The following PALM2AKAP2 variants were observed in gnomAD, a reference collection of about 807,000 sequenced individuals.
The protein encoded by PALM2AKAP2 is PALM2 and AKAP2 fusion, also known as PALM2-AKAP2 fusion protein.
PALM2AKAP2 carries 37 observed loss-of-function variants against 71.5 expected under a neutral mutation model. The observed-to-expected ratio is 0.52, with a 90% confidence interval of 0.40 to 0.68. PALM2AKAP2 has a LOEUF of 0.68. Ranked by LOEUF, PALM2AKAP2 falls within the 30% of genes least tolerant of loss-of-function variation. The pLI, the probability that PALM2AKAP2 is intolerant of heterozygous loss-of-function variation, is 0.00. For synonymous variants in PALM2AKAP2, 468 were observed against 478.8 expected (o/e 0.98, Z 0.29); for missense variants, 1,224 against 1,191.8 (o/e 1.03, Z -0.40).
At chr9:110,023,783 G>A (rs541924303) in intron 7 of PALM2AKAP2, among the ~76,000 whole-genome samples, 2 of 152,010 alleles carry the variant, frequency 1.3e-5, no homozygotes, top group South Asian at 4.2e-4. Context: ...CTTGAGACCA[G>A]GAGTTCGAGA....
intron 3 of PALM2AKAP2, among the ~76,000 whole-genome samples, chr9:109,919,267 G>A (rs868017100): frequency 6.6e-6 from 1 of 152,198 alleles, no homozygotes; most frequent in Non-Finnish European, 1.5e-5. Context: ...ATGGGAAGCT[G>A]AGGCCCTGGC....
At chr9:109,874,087 G>A (rs138720559) in intron 2 of PALM2AKAP2, among the ~76,000 whole-genome samples, 18 of 152,294 alleles carry the variant, frequency 1.2e-4, no homozygotes, top group African/African-American at 4.3e-4. Flanking sequence ...TTTAGCTTTA[G>A]TGATCCAAGA....
At chr9:109,851,747 C>G (rs1226595130) in intron 1 of PALM2AKAP2, among the ~76,000 whole-genome samples, 5 of 152,212 alleles carry the variant, frequency 3.3e-5, no homozygotes, top group Non-Finnish European at 7.3e-5. Context: ...CTGCTGTCTT[C>G]TGACTCACTT....
chr9:110,106,822 T>G (rs1835132028), intron 1 of PALM2AKAP2, among the ~76,000 whole-genome samples: 1 of 152,238 alleles, frequency 6.6e-6, no homozygotes, highest in Non-Finnish European at 1.5e-5. Flanking sequence ...ACAAATGGCT[T>G]GTTTATTAAA....
intron 1 of PALM2AKAP2, among the ~76,000 whole-genome samples, chr9:109,806,566 C>A (rs1157607531): frequency 1.3e-5 from 2 of 152,032 alleles, no homozygotes; most frequent in Admixed American, 1.3e-4. Flanking sequence ...GAGGGGGATA[C>A]CTTCATAGAA....
chr9:109,694,385 A>AT (rs1827938368), intron 1 of PALM2AKAP2, among the ~76,000 whole-genome samples: 1 of 152,034 alleles, frequency 6.6e-6, no homozygotes, highest in African/African-American at 2.4e-5. Context: ...AACCCACTTC[A>AT]TTTGTCAAAA....
chr9:109,790,143 G>C (rs952964092), intron 1 of PALM2AKAP2, among the ~76,000 whole-genome samples: 12 of 152,278 alleles, frequency 7.9e-5, no homozygotes, highest in African/African-American at 2.9e-4. Context: ...TGAAAAAGCT[G>C]TGGGCCAGAC....
chr9:109,742,643 T>C (rs1828732498), intron 1 of PALM2AKAP2, among the ~76,000 whole-genome samples: 1 of 152,204 alleles, frequency 6.6e-6, no homozygotes, highest in African/African-American at 2.4e-5. Flanking sequence ...TTATGGGTCA[T>C]TGATAATGTA....
At chr9:109,932,507 A>T (rs1831129462) in intron 6 of PALM2AKAP2, among the ~76,000 whole-genome samples, 1 of 152,230 alleles carries the variant, frequency 6.6e-6, no homozygotes, top group Admixed American at 6.5e-5. Flanking sequence ...CCATTTCTGG[A>T]ATTATTTCTT....
At chr9:109,721,439 G>C (rs1828403560) in intron 1 of PALM2AKAP2, among the ~76,000 whole-genome samples, 1 of 152,112 alleles carries the variant, frequency 6.6e-6, no homozygotes, top group Non-Finnish European at 1.5e-5. Context: ...TCCAACTCCA[G>C]GCCTTCCAAC....
intron 3 of PALM2AKAP2, among the ~76,000 whole-genome samples, chr9:109,894,924 T>C (rs963678698): frequency 2.0e-5 from 3 of 152,156 alleles, no homozygotes; most frequent in African/African-American, 7.2e-5. Context: ...CCTCCCTAAA[T>C]GTTTAAATCT....
In PALM2AKAP2 at chr9:110,061,986, T is replaced by C. The variant is rs1010284127; in HGVS notation, c.156+13131T>C. 3.1e-4 allele frequency among the ~76,000 whole-genome samples: 44 copies of C among 140,454 alleles called. 3 individuals are homozygous for C. Among genetic ancestry groups the C allele is most frequent in the African/African-American group, 1.4e-3 (43 of 30,868 alleles). The allele number at this position is 140,454 out of a possible 152,430, so 92.1% of individuals were successfully genotyped here. On this transcript the variant is annotated intron_variant, in intron 1 of 3. Transcript: ENST00000374525. ...TTAATCATTCCTGTTTTTACTATGC[T>C]GCCTTCTTAGTGCTTAATACAAACT...
intron 6 of PALM2AKAP2, chr9:109,943,139 A>G (rs1277449929): frequency 6.2e-7 from 1 of 1,614,148 alleles, no homozygotes; most frequent in Non-Finnish European, 8.5e-7. Flanking sequence ...TTTATGGGCT[A>G]CCAAAATATC....
chr9:109,720,901 C>A (rs1571267), intron 1 of PALM2AKAP2, among the ~76,000 whole-genome samples: 53,370 of 151,958 alleles, frequency 0.35, 9,775 homozygotes, highest in African/African-American at 0.46. Context: ...AGCAGTAAGC[C>A]AAACAGGTTA....
intron 1 of PALM2AKAP2, among the ~76,000 whole-genome samples, chr9:109,814,494 G>A (rs921915473): frequency 5.9e-5 from 9 of 152,198 alleles, no homozygotes; most frequent in Non-Finnish European, 1.2e-4. Context: ...CTCAGAGGAA[G>A]TGAGCCTCCT....
chr9:110,135,460 C>A (rs1835842139), intron 1 of PALM2AKAP2, among the ~76,000 whole-genome samples: 1 of 149,986 alleles, frequency 6.7e-6, no homozygotes. Context: ...AGTTAAAAAA[C>A]TGGAGGAGAG....
chr9:109,941,800 T>C (rs1001079817), intron 6 of PALM2AKAP2, among the ~76,000 whole-genome samples: 6 of 152,028 alleles, frequency 3.9e-5, no homozygotes, highest in South Asian at 2.1e-4. Flanking sequence ...GATACAAGAC[T>C]GAGAGACAGG....
At chr9:110,083,177 C>T (rs544140324) in intron 1 of PALM2AKAP2, among the ~76,000 whole-genome samples, 1 of 151,988 alleles carries the variant, frequency 6.6e-6, no homozygotes, top group South Asian at 2.1e-4. Flanking sequence ...AAAACAATGA[C>T]TTTATATTCC....
intron 3 of PALM2AKAP2, among the ~76,000 whole-genome samples, chr9:109,909,153 C>T (rs930442394): frequency 4.0e-5 from 6 of 149,522 alleles, no homozygotes; most frequent in African/African-American, 9.9e-5. Context: ...ACATTACACA[C>T]GCGCGCACGC....
Sources: gnomAD v4.1 joint callset for allele counts (sites outside exome capture counted in the v4.1 genomes callset) on GRCh38, gnomAD v4.1.1 for gene constraint, MANE v1.5 for transcripts, NCBI Gene and HGNC (gene_info 2026-07-23, HGNC 2026-07-21) for gene names.